Variants in KIRREL3 observed in about 807,000 individuals in gnomAD.
KIRREL3 encodes kin of IRRE-like protein 3.
In KIRREL3, 36 loss-of-function variants were observed where a neutral mutation model predicts 89.7. The ratio of observed to expected loss-of-function variants is 0.40; its 90% CI spans 0.31 to 0.53. The LOEUF (loss-of-function observed/expected upper bound fraction) is 0.53, where lower values mean the gene tolerates loss of function less well. Among genes scored for constraint, KIRREL3 ranks in the 20% least tolerant of loss-of-function variants. The pLI, the probability that KIRREL3 is intolerant of heterozygous loss-of-function variation, is 0.49. For synonymous variants in KIRREL3, 445 were observed against 441.4 expected (o/e 1.01, Z -0.10); for missense variants, 864 against 1,056.6 (o/e 0.82, Z 2.53).
chr11:126,950,201 A>G (rs958755417), intron 1 of KIRREL3, among the ~76,000 whole-genome samples: 3 of 152,096 alleles, frequency 2.0e-5, no homozygotes, highest in Non-Finnish European at 2.9e-5. Flanking sequence ...GTGAAACTCT[A>G]TCTCTACTAA....
At chr11:126,973,099 GGA>G (rs1491396244) in intron 1 of KIRREL3, among the ~76,000 whole-genome samples, 627 of 41,142 alleles carry the variant, frequency 0.015, 7 homozygotes, top group African/African-American at 0.052. Flanking sequence ...TAAGTTTTGA[GGA>G]AAAAAAAAAA....
At chr11:126,678,821 G>A (rs1946321785) in intron 1 of KIRREL3, among the ~76,000 whole-genome samples, 1 of 152,124 alleles carries the variant, frequency 6.6e-6, no homozygotes, top group Non-Finnish European at 1.5e-5. Flanking sequence ...CAGTGGAGGT[G>A]GCCATACGGC....
In KIRREL3 at chr11:126,782,263, G is replaced by A. The variant is rs573510756; in HGVS notation, c.55+218192C>T. ...AAAAGTTGAAGAGGGCTGCCCGTGCGCCTTGGAATCTGATAGGAATAAGGA... is the reference window on the plus strand; with the variant it reads ...AAAAGTTGAAGAGGGCTGCCCGTGCACCTTGGAATCTGATAGGAATAAGGA... On this transcript the variant is annotated intron_variant, in intron 1 of 16. Transcript: ENST00000525144. This position sits in a 1 kb window ranked among gnomAD's most constrained non-coding sequence, Gnocchi z 4.1. Among the ~76,000 whole-genome samples, 49 of 152,284 alleles carry A rather than the reference G, an allele frequency of 3.2e-4. 1 individual carries two copies. The highest frequency in any genetic ancestry group is 2.3e-3 in the Admixed American group (35 of 15,298).
intron 9 of KIRREL3, among the ~76,000 whole-genome samples, chr11:126,446,260 C>G (rs1345508541): frequency 9.8e-6 from 1 of 101,630 alleles, no homozygotes; most frequent in Non-Finnish European, 2.1e-5. Flanking sequence ...TCTTTCTTTT[C>G]TTTCTCTCTC....
At chr11:127,001,710 T>C (rs758454601), upstream of KIRREL3, among the ~76,000 whole-genome samples, 19 of 151,960 alleles carry the variant, frequency 1.3e-4, no homozygotes, top group Admixed American at 5.2e-4. Flanking sequence ...TCTGGGTCTA[T>C]TTACTTAATA....
At chr11:126,670,122 C>T (rs1481447133) in intron 1 of KIRREL3, among the ~76,000 whole-genome samples, 1 of 152,174 alleles carries the variant, frequency 6.6e-6, no homozygotes, top group East Asian at 1.9e-4. Flanking sequence ...AAGCCTCCAT[C>T]AACTCTTGCC....
chr11:126,777,178 A>G (rs921388709), intron 1 of KIRREL3, among the ~76,000 whole-genome samples: 1 of 152,114 alleles, frequency 6.6e-6, no homozygotes, highest in Non-Finnish European at 1.5e-5. Flanking sequence ...TTTGATTATC[A>G]TGACCGAGGG....
At chr11:126,699,154 C>T (rs934144224) in intron 1 of KIRREL3, among the ~76,000 whole-genome samples, 11 of 152,160 alleles carry the variant, frequency 7.2e-5, no homozygotes, top group Admixed American at 2.6e-4. Flanking sequence ...GTGGTGGTGG[C>T]AGTGGGTGCC....
Position 126,431,064 on chromosome 11 carries a change from T to A in KIRREL3, c.1696+355A>T. ...TTTATTTTGTTGTAGAGATGGGGTC[T>A]CTCTAGACTAACAGCTCTTGTAGAG... On this transcript the variant is annotated intron_variant, in intron 14 of 16. Transcript: ENST00000525144. This position sits in a 1 kb window ranked among gnomAD's most constrained non-coding sequence, Gnocchi z 7.1. 2 of 1,304,978 alleles carry A rather than the reference T, an allele frequency of 1.5e-6. No individual in the cohort carries two copies. Among genetic ancestry groups the A allele is most frequent in the South Asian group, 5.0e-5 (2 of 40,372 alleles). 80.8% of individuals were successfully genotyped at this position (1,304,978 alleles called of 1,614,324 possible).
chr11:126,661,298 CA>C (rs763607160), intron 1 of KIRREL3, among the ~76,000 whole-genome samples: 13 of 152,114 alleles, frequency 8.5e-5, no homozygotes, highest in Non-Finnish European at 1.5e-4. Context: ...TTGTTTATCA[CA>C]AAGAGAACAG....
intron 1 of KIRREL3, among the ~76,000 whole-genome samples, chr11:126,626,067 A>G (rs1028811993): frequency 6.6e-6 from 1 of 152,226 alleles, no homozygotes; most frequent in Non-Finnish European, 1.5e-5. Context: ...GGATTCTGGA[A>G]TCAGAACCCT....
chr11:126,957,050 G>A (rs960021446), intron 1 of KIRREL3, among the ~76,000 whole-genome samples: 1 of 152,216 alleles, frequency 6.6e-6, no homozygotes, highest in Admixed American at 6.5e-5. Context: ...CACATGTCCT[G>A]CTTCTATGGT....
Position 126,475,157 on chromosome 11 carries a change from G to C in KIRREL3, c.434-1691C>G, listed in dbSNP as rs75671591. Reference sequence around the variant, plus strand: ...TAGCACAAAGGGTCCTCTCTGCCTGGTGGCCAGAGAAGCCCGCCCTTCTAT... The same window carrying C: ...TAGCACAAAGGGTCCTCTCTGCCTGCTGGCCAGAGAAGCCCGCCCTTCTAT... On this transcript the variant is annotated intron_variant, in intron 4 of 16. Coordinates refer to ENST00000525144, the MANE Select transcript of KIRREL3 (RefSeq NM_032531.4). This position sits in a 1 kb window ranked among gnomAD's most constrained non-coding sequence, Gnocchi z 7.5. Among the ~76,000 whole-genome samples, 4,696 of 152,318 alleles carry C rather than the reference G, an allele frequency of 0.031. 83 individuals carry two copies. Among genetic ancestry groups the C allele is most frequent in the Non-Finnish European group, 0.047 (3,205 of 68,012 alleles).
rs1264745923 is a variant in KIRREL3 at position 126,496,782 on chromosome 11, TGG to T, written c.434-23318_434-23317del. ...GAGGCTGTAGGCAGGGAGTCAGGGCTGGGGAAGCTGGGCTCAGCCAGGGGACT... is the reference window on the plus strand; with the variant it reads ...GAGGCTGTAGGCAGGGAGTCAGGGCTGGAAGCTGGGCTCAGCCAGGGGACT... On this transcript the variant is annotated intron_variant, in intron 4 of 16. Coordinates refer to ENST00000525144, the MANE Select transcript of KIRREL3 (RefSeq NM_032531.4). The surrounding 1 kb of genome is among the most constrained non-coding windows in gnomAD (Gnocchi z 4.9). Among the ~76,000 whole-genome samples, 1 of 152,084 alleles carries T rather than the reference TGG, an allele frequency of 6.6e-6. No individual in the cohort carries two copies. The highest frequency in any genetic ancestry group is 1.5e-5 in the Non-Finnish European group (1 of 68,016).
At chr11:126,626,426 G>A (rs947256773) in intron 1 of KIRREL3, among the ~76,000 whole-genome samples, 1 of 152,220 alleles carries the variant, frequency 6.6e-6, no homozygotes. Context: ...AACCAGCATG[G>A]CATGTGCATG....
At position 126,657,675 on chromosome 11, in the gene KIRREL3, C is replaced by G. The variant is rs537462901; in HGVS notation, c.56-94763G>C. On this transcript the variant is annotated intron_variant, in intron 1 of 16. Transcript: ENST00000525144. ...CAGTCCGTCCCCAGCCCAAAGAGGA[C>G]TGCGCTAGCTTGGGAGGGAATGAGA... Among the ~76,000 whole-genome samples the G allele has an allele frequency of 4.6e-5, 7 of 152,204 alleles. No individual in the cohort carries two copies. In the South Asian group the frequency reaches 1.5e-3, roughly 32 times the overall value.
At chr11:126,841,817 A>G (rs1247550890) in intron 1 of KIRREL3, among the ~76,000 whole-genome samples, 1 of 152,220 alleles carries the variant, frequency 6.6e-6, no homozygotes, top group Non-Finnish European at 1.5e-5. Flanking sequence ...CAGGCCCCGA[A>G]GGTCTTAGTC....
intron 6 of KIRREL3, among the ~76,000 whole-genome samples, chr11:126,460,893 T>G (rs1956517926): frequency 6.6e-6 from 1 of 152,076 alleles, no homozygotes; most frequent in Admixed American, 6.6e-5. Flanking sequence ...TGTCCAGGAG[T>G]CTGTAACATT....
chr11:126,669,458 G>A lies in KIRREL3; in HGVS notation c.56-106546C>T, dbSNP rs988404149. Among the ~76,000 whole-genome samples the A allele has an allele frequency of 6.6e-6, 1 of 152,290 alleles. No homozygotes were observed. ...AATCCCCAATGTTTCCATGTCTTTA[G>A]TTAATGCTTGTAATATCTATGTATT... On this transcript the variant is annotated intron_variant, in intron 1 of 16. Coordinates refer to ENST00000525144, the MANE Select transcript of KIRREL3 (RefSeq NM_032531.4). The surrounding 1 kb of genome is among the most constrained non-coding windows in gnomAD (Gnocchi z 5.0).
Sources: gnomAD v4.1 joint callset for allele counts (sites outside exome capture counted in the v4.1 genomes callset) on GRCh38, gnomAD v4.1.1 for gene constraint, Gnocchi (gnomAD v3.1) non-coding constraint, MANE v1.5 for transcripts, NCBI Gene and HGNC (gene_info 2026-07-23, HGNC 2026-07-21) for gene names.